MARCHF6: variants seen among roughly 807,000 people sequenced by gnomAD.
MARCHF6 encodes membrane associated ring-CH-type finger 6.
In MARCHF6, 31 loss-of-function variants were observed where a neutral mutation model predicts 133.7. The ratio of observed to expected loss-of-function variants is 0.23; its 90% confidence interval spans 0.17 to 0.31. MARCHF6 has a LOEUF of 0.31. Among genes scored for constraint, MARCHF6 ranks in the 10% least tolerant of loss-of-function variants. MARCHF6 has a pLI of 1.00. For missense variants in MARCHF6, 723 were observed against 1,121.6 expected (o/e 0.64, Z 5.08); for synonymous variants, 395 against 402.5 (o/e 0.98, Z 0.22).
chr5:10,399,392 A>G (rs1344207567), intron 10 of MARCHF6, among the ~76,000 whole-genome samples: 7 of 152,120 alleles, frequency 4.6e-5, no homozygotes, highest in Non-Finnish European at 8.8e-5. Context: ...AGAAAGGGTT[A>G]GAGGCCAGAT....
At chr5:10,365,041 G>A (rs924157837) in intron 1 of MARCHF6, among the ~76,000 whole-genome samples, 1 of 152,176 alleles carries the variant, frequency 6.6e-6, no homozygotes, top group Admixed American at 6.5e-5. Flanking sequence ...GACCTCAGTT[G>A]ATCTACCCAC....
chr5:10,390,160 A>G (rs1737735389), intron 5 of MARCHF6, among the ~76,000 whole-genome samples, 172 bp from the exon 6 acceptor site: 2 of 151,902 alleles, frequency 1.3e-5, no homozygotes, highest in Admixed American at 1.3e-4. Context: ...TTTCACCATA[A>G]TCACAAATAG....
At chr5:10,394,190 A>G in intron 8 of MARCHF6, 47 bp downstream of exon 8, 2 of 1,273,406 alleles carry the variant, frequency 1.6e-6, no homozygotes, top group Non-Finnish European at 2.2e-6. Context: ...ATCCTAAAAT[A>G]TATTTTAAAC....
At chr5:10,389,486 C>A (rs1210445910) in intron 5 of MARCHF6, among the ~76,000 whole-genome samples, 4 of 152,008 alleles carry the variant, frequency 2.6e-5, no homozygotes, top group Non-Finnish European at 4.4e-5. Flanking sequence ...ACTGCAACCC[C>A]CCGCCTCCTG....
At chr5:10,384,877 T>C (rs1056874388) in intron 4 of MARCHF6, among the ~76,000 whole-genome samples, 1 of 152,204 alleles carries the variant, frequency 6.6e-6, no homozygotes, top group African/African-American at 2.4e-5. Flanking sequence ...AACTTTCTGT[T>C]CACTAAAGGA....
In MARCHF6 at chr5:10,439,035, ACT is replaced by A. The variant is rs1442331414; in HGVS notation, c.*5354_*5355del. 1.3e-5 allele frequency: 2 copies of A among 151,958 alleles called. No individual in the cohort carries two copies. Among genetic ancestry groups the A allele is most frequent in the African/African-American group, 4.8e-5 (2 of 41,338 alleles). 9.4% of individuals were successfully genotyped at this position (151,958 alleles called of 1,614,324 possible). ...TCTGCTTCTCTGTGTTTGTTCAGTA[ACT>A]CTTCTTTAGGATACACCTAAAGATG... On this transcript the variant is annotated 3_prime_UTR_variant, in exon 26 of 26. Coordinates refer to ENST00000274140, the MANE Select transcript of MARCHF6 (RefSeq NM_005885.4).
chr5:10,388,139 A>G (rs1579562528), intron 5 of MARCHF6, among the ~76,000 whole-genome samples: 1 of 152,084 alleles, frequency 6.6e-6, no homozygotes, highest in Non-Finnish European at 1.5e-5. Flanking sequence ...TTTCCCTCTC[A>G]CCTGATAGGC....
chr5:10,428,643 A>G (rs2126360450), intron 24 of MARCHF6, among the ~76,000 whole-genome samples: 1 of 152,236 alleles, frequency 6.6e-6, no homozygotes, highest in South Asian at 2.1e-4. Context: ...CACCCAGCGC[A>G]TTGCTTATTA....
chr5:10,377,698 A>T, intron 1 of MARCHF6, 100 bp from the exon 2 acceptor site: 1 of 702,168 alleles, frequency 1.4e-6, no homozygotes, highest in Non-Finnish European at 2.6e-6. Flanking sequence ...CAAGTGATAG[A>T]TTCTTGCTTT....
rs187916112 is a variant in MARCHF6 at position 10,398,700 on chromosome 5, T to C, written c.913+1356T>C. Among the ~76,000 whole-genome samples the C allele has an allele frequency of 2.8e-3, 428 of 152,344 alleles. 7 individuals are homozygous for C. The highest frequency in any genetic ancestry group is 0.026 in the Admixed American group (392 of 15,292). On this transcript the variant is annotated intron_variant, in intron 10 of 25. Coordinates refer to ENST00000274140, the MANE Select transcript of MARCHF6 (RefSeq NM_005885.4). Reference sequence around the variant, plus strand: ...CAGGTCACATTTAAAACATGAATTATACAAATAAGAACTCTGATTTATAGA... The same window carrying C: ...CAGGTCACATTTAAAACATGAATTACACAAATAAGAACTCTGATTTATAGA...
At chr5:10,411,567 A>G in intron 19 of MARCHF6, 30 bp downstream of exon 19, 2 of 1,560,752 alleles carry the variant, frequency 1.3e-6, no homozygotes, top group Non-Finnish European at 1.7e-6. Context: ...AATCACATAT[A>G]GAGGTTTTTT....
At chr5:10,396,347 G>A (rs1738189910) in intron 9 of MARCHF6, among the ~76,000 whole-genome samples, 1 of 152,180 alleles carries the variant, frequency 6.6e-6, no homozygotes, top group African/African-American at 2.4e-5. Flanking sequence ...GAGTTTGTCA[G>A]CAGGAGATTT....
In MARCHF6 at chr5:10,390,807, CAG is replaced by C. The variant is rs566475073; in HGVS notation, c.576+310_576+311del. ...AAACATTTCCTCAAGTGTTTGATGA[CAG>C]AGCATGTATGTATATATGTATGTAC... On this transcript the variant is annotated intron_variant, in intron 6 of 25. Transcript: ENST00000274140. 3.6e-3 allele frequency among the ~76,000 whole-genome samples: 555 copies of C among 152,268 alleles called. 1 individual carries two copies. The highest frequency in any genetic ancestry group is 6.1e-3 in the Non-Finnish European group (413 of 68,024).
intron 1 of MARCHF6, among the ~76,000 whole-genome samples, chr5:10,358,605 G>A (rs1735624567): frequency 6.6e-6 from 1 of 152,028 alleles, no homozygotes; most frequent in Non-Finnish European, 1.5e-5. Context: ...AAGTACAGTT[G>A]ACTCTTGAAC....
intron 1 of MARCHF6, among the ~76,000 whole-genome samples, chr5:10,355,620 TA>T (rs1342283056): frequency 1.3e-5 from 2 of 152,244 alleles, no homozygotes; most frequent in Non-Finnish European, 2.9e-5. Flanking sequence ...TGTTGCCTGT[TA>T]AAATAACATG....
chr5:10,416,254 C>T (rs1739508534), intron 21 of MARCHF6, among the ~76,000 whole-genome samples: 1 of 152,152 alleles, frequency 6.6e-6, no homozygotes, highest in South Asian at 2.1e-4. Flanking sequence ...ATGTTGGCTG[C>T]AACTGGTAAC....
chr5:10,381,334 A>G (rs528429222), intron 3 of MARCHF6, among the ~76,000 whole-genome samples: 70 of 152,362 alleles, frequency 4.6e-4, no homozygotes, highest in African/African-American at 1.6e-3. Flanking sequence ...TTGCTCCCAC[A>G]TGAAATGATC....
intron 17 of MARCHF6, among the ~76,000 whole-genome samples, chr5:10,409,589 A>G (rs1739104137): frequency 6.6e-6 from 1 of 152,180 alleles, no homozygotes; most frequent in African/African-American, 2.4e-5. Context: ...GCTTGAGTGA[A>G]TTGAGGAGCT....
chr5:10,378,707 TAATG>T (rs1736936877), intron 2 of MARCHF6, 48 bp from the exon 3 acceptor site: 4 of 1,103,624 alleles, frequency 3.6e-6, no homozygotes, highest in Non-Finnish European at 4.1e-6. Context: ...GACAAAACTG[TAATG>T]TTTCTTTGCT....
Sources: gnomAD v4.1 joint callset for allele counts (sites outside exome capture counted in the v4.1 genomes callset) on GRCh38, gnomAD v4.1.1 for gene constraint, MANE v1.5 for transcripts, NCBI Gene and HGNC (gene_info 2026-07-23, HGNC 2026-07-21) for gene names.